SNX29: variants seen among roughly 807,000 people sequenced by gnomAD.
The protein encoded by SNX29 is sorting nexin-29.
In SNX29, 78 loss-of-function variants were observed where a neutral mutation model predicts 102.1. The observed-to-expected ratio is 0.76, with a 90% confidence interval of 0.64 to 0.92. SNX29 has a LOEUF of 0.92. Ranked by LOEUF, SNX29 falls within the 40% of genes least tolerant of loss-of-function variation. The probability of loss-of-function intolerance (pLI) is 0.00; values close to 1 mark genes in which losing one functional copy is unlikely to be tolerated. For synonymous variants in SNX29, 580 were observed against 414.5 expected (o/e 1.40, Z -4.85); for missense variants, 1,280 against 1,061.7 (o/e 1.21, Z -2.86).
At position 12,569,926 on chromosome 16, in the gene SNX29, G is replaced by C. The variant is rs1047083577; in HGVS notation, c.*1297G>C. On this transcript the variant is annotated 3_prime_UTR_variant, in exon 21 of 21. Transcript: ENST00000566228. ...GAGGCAGAGACACAGCAGAACCTGA[G>C]GAGAAAAGCAGGTGGAAGGTGACGG... 1 of 232,836 alleles carries C rather than the reference G, an allele frequency of 4.3e-6. No individual in the cohort carries two copies. Among genetic ancestry groups the C allele is most frequent in the Non-Finnish European group, 8.5e-6 (1 of 117,880 alleles). The allele number at this position is 232,836 out of a possible 1,614,324, so 14.4% of individuals were successfully genotyped here.
At chr16:12,136,564 A>C (rs1471550684) in intron 13 of SNX29, among the ~76,000 whole-genome samples, 1 of 152,114 alleles carries the variant, frequency 6.6e-6, no homozygotes, top group African/African-American at 2.4e-5. Flanking sequence ...CAATGACACC[A>C]GTGCACTCTC....
chr16:12,570,164 C>T lies in SNX29; in HGVS notation c.*1535C>T. ...GAGATCACTCACACACAGCGCCCCC[C>T]CACCCCAGAGAAACCGAGTCAGCCT... On this transcript the variant is annotated 3_prime_UTR_variant, in exon 21 of 21. Coordinates refer to ENST00000566228, the MANE Select transcript of SNX29 (RefSeq NM_032167.5). The T allele has an allele frequency of 9.4e-7, 1 of 1,065,334 alleles. No homozygotes were observed. The highest frequency in any genetic ancestry group is 4.5e-5 in the South Asian group (1 of 22,018). The allele number at this position is 1,065,334 out of a possible 1,614,324, so 66.0% of individuals were successfully genotyped here. A position where few individuals can be genotyped will look rare whatever the true frequency, so the allele number is the denominator to read the frequency against.
At chr16:12,235,025 T>A (rs2077883385) in intron 14 of SNX29, among the ~76,000 whole-genome samples, 1 of 152,154 alleles carries the variant, frequency 6.6e-6, no homozygotes, top group Non-Finnish European at 1.5e-5. Context: ...TCCCTGTCTC[T>A]CTCTGTCTTT....
chr16:12,481,005 T>A (rs1275997646), intron 19 of SNX29, among the ~76,000 whole-genome samples: 3 of 152,156 alleles, frequency 2.0e-5, no homozygotes, highest in Admixed American at 1.3e-4. Flanking sequence ...CTCTCCACCC[T>A]CATCCCCAGG....
At chr16:12,104,383 C>G (rs537956948) in intron 11 of SNX29, among the ~76,000 whole-genome samples, 70 of 152,170 alleles carry the variant, frequency 4.6e-4, no homozygotes, top group South Asian at 3.9e-3. Flanking sequence ...TGGTGAAACC[C>G]CATCTCTACT....
chr16:12,542,969 C>T (rs747386084), intron 20 of SNX29, among the ~76,000 whole-genome samples: 1 of 152,068 alleles, frequency 6.6e-6, no homozygotes, highest in African/African-American at 2.4e-5. Flanking sequence ...AAAAGAAGTA[C>T]TTACTACTCC....
At chr16:12,247,698 T>C (rs1422476036) in intron 14 of SNX29, among the ~76,000 whole-genome samples, 1 of 152,212 alleles carries the variant, frequency 6.6e-6, no homozygotes, top group East Asian at 1.9e-4. Flanking sequence ...CCTCAAGGTT[T>C]AAAAAGTCCC....
At chr16:12,458,256 G>T (rs2086622937) in intron 18 of SNX29, among the ~76,000 whole-genome samples, 1 of 152,048 alleles carries the variant, frequency 6.6e-6, no homozygotes, top group African/African-American at 2.4e-5. Context: ...TATCTGCCCC[G>T]AGCTGACCAC....
chr16:12,523,559 C>T (rs2090180433), intron 19 of SNX29, among the ~76,000 whole-genome samples: 1 of 152,200 alleles, frequency 6.6e-6, no homozygotes, highest in South Asian at 2.1e-4. Flanking sequence ...TGTGTGGGGC[C>T]CAGGCCAACG....
At chr16:12,565,879 C>G (rs889667281) in intron 20 of SNX29, among the ~76,000 whole-genome samples, 1 of 152,238 alleles carries the variant, frequency 6.6e-6, no homozygotes, top group Non-Finnish European at 1.5e-5. Context: ...CTCAGAACAA[C>G]CTGAGTTCCC....
chr16:12,482,344 C>A (rs2087986004), intron 19 of SNX29, among the ~76,000 whole-genome samples: 1 of 152,040 alleles, frequency 6.6e-6, no homozygotes, highest in South Asian at 2.1e-4. Context: ...CTGTGTCACC[C>A]AGACTAGAGT....
At chr16:12,565,942 C>T (rs937762876) in intron 20 of SNX29, among the ~76,000 whole-genome samples, 31 of 152,128 alleles carry the variant, frequency 2.0e-4, no homozygotes, top group Admixed American at 2.6e-4. Context: ...CAGTGTCTGC[C>T]CTCCCCATCC....
intron 15 of SNX29, among the ~76,000 whole-genome samples, chr16:12,317,409 G>A (rs2080785772): frequency 6.6e-6 from 1 of 152,190 alleles, no homozygotes; most frequent in South Asian, 2.1e-4. Context: ...TCCTTACAAT[G>A]GGGCTTAATG....
chr16:12,444,829 A>AGT (rs1448762748), intron 18 of SNX29, among the ~76,000 whole-genome samples: 57 of 136,452 alleles, frequency 4.2e-4, no homozygotes, highest in Non-Finnish European at 1.5e-5. Flanking sequence ...TCCCCTCGAC[A>AGT]GTGTTTTTTT....
intron 20 of SNX29, among the ~76,000 whole-genome samples, chr16:12,531,261 A>G (rs2076925049): frequency 6.6e-6 from 1 of 152,228 alleles, no homozygotes; most frequent in Non-Finnish European, 1.5e-5. Context: ...CCCTATGGTC[A>G]GGGCGCACTG....
intron 20 of SNX29, among the ~76,000 whole-genome samples, chr16:12,540,093 C>T (rs946500357): frequency 3.9e-5 from 6 of 152,178 alleles, no homozygotes; most frequent in Admixed American, 1.3e-4. Flanking sequence ...AATTGTTAGC[C>T]TAAACCCAGG....
chr16:12,007,353 A>G (rs1205569514), intron 3 of SNX29, among the ~76,000 whole-genome samples: 4 of 152,130 alleles, frequency 2.6e-5, no homozygotes, highest in Admixed American at 6.5e-5. Context: ...AAAAATACAA[A>G]AATTAGCCAG....
At chr16:12,124,247 G>A (rs1435443196) in intron 11 of SNX29, among the ~76,000 whole-genome samples, 4 of 151,902 alleles carry the variant, frequency 2.6e-5, no homozygotes, top group Middle Eastern at 3.4e-3. Context: ...TCTCAGGTAC[G>A]TGGGAGACTG....
intron 8 of SNX29, among the ~76,000 whole-genome samples, chr16:12,058,480 T>TTTTTTCG (rs2050612176): frequency 2.6e-5 from 3 of 116,088 alleles, no homozygotes; most frequent in Admixed American, 9.0e-5. Context: ...CTGGTGTTTT[T>TTTTTTCG]TTTTTTGGTT....
Sources: allele counts gnomAD v4.1 joint callset (sites outside exome capture counted in the v4.1 genomes callset), GRCh38; gene constraint gnomAD v4.1.1; transcripts MANE v1.5; gene names NCBI Gene and HGNC (gene_info 2026-07-23, HGNC 2026-07-21).